The following EYA1 variants were observed in gnomAD, a reference collection of about 807,000 sequenced individuals.
EYA1 encodes the protein protein phosphatase EYA1.
In EYA1, 16 loss-of-function variants were observed where a neutral mutation model predicts 82.0. That is an observed-to-expected ratio of 0.20 (90% confidence interval 0.13 to 0.30). EYA1 has a LOEUF of 0.30. EYA1 is among the 10% of genes least tolerant of loss of function. EYA1 has a pLI of 1.00. For synonymous variants in EYA1, 261 were observed against 264.4 expected (o/e 0.99, Z 0.12); for missense variants, 633 against 730.7 (o/e 0.87, Z 1.54).
chr8:71,538,378 A>C (rs938515440), intron 1 of EYA1, among the ~76,000 whole-genome samples: 2 of 152,192 alleles, frequency 1.3e-5, no homozygotes, highest in African/African-American at 4.8e-5. Context: ...AATGAATAAA[A>C]TGAATAAATG....
intron 11 of EYA1, among the ~76,000 whole-genome samples, chr8:71,262,043 C>G (rs749591843): frequency 6.6e-6 from 1 of 152,216 alleles, no homozygotes; most frequent in African/African-American, 2.4e-5. Flanking sequence ...GCCCACAGAA[C>G]GAAATCCTGG....
chr8:71,257,803 G>A (rs113232235), intron 11 of EYA1, among the ~76,000 whole-genome samples: 166 of 152,252 alleles, frequency 1.1e-3, no homozygotes, highest in Middle Eastern at 3.4e-3. Flanking sequence ...GAGAAATCCC[G>A]GTGTAATTTA....
chr8:71,329,845 T>C (rs1321478416), intron 4 of EYA1, among the ~76,000 whole-genome samples: 1 of 152,058 alleles, frequency 6.6e-6, no homozygotes, highest in Non-Finnish European at 1.5e-5. Context: ...ATGACAGCAT[T>C]TGCAAAAGGC....
chr8:71,336,401 A>G (rs754973189), intron 3 of EYA1, among the ~76,000 whole-genome samples: 5 of 152,180 alleles, frequency 3.3e-5, no homozygotes, highest in Non-Finnish European at 7.4e-5. Context: ...TGAAGAAAAA[A>G]ATTGTTCCAC....
At chr8:71,354,570 TGAAAC>T (rs1279386895) in intron 3 of EYA1, among the ~76,000 whole-genome samples, 3 of 152,190 alleles carry the variant, frequency 2.0e-5, no homozygotes, top group Non-Finnish European at 4.4e-5. Context: ...ATGCATTTGG[TGAAAC>T]GAAACCAATC....
At chr8:71,269,874 G>T in intron 10 of EYA1, 51 bp from the exon 11 acceptor site, 2 of 1,392,678 alleles carry the variant, frequency 1.4e-6, no homozygotes, top group Non-Finnish European at 1.0e-6. Context: ...TGAGAAAGCT[G>T]TTATTCAGTT....
intron 9 of EYA1, among the ~76,000 whole-genome samples, chr8:71,276,853 T>C (rs1045871470): frequency 7.2e-5 from 11 of 152,202 alleles, no homozygotes; most frequent in African/African-American, 2.7e-4. Context: ...TTGCTCGTTA[T>C]TTAGCCTTTA....
At chr8:71,351,342 G>A (rs531146885) in intron 3 of EYA1, among the ~76,000 whole-genome samples, 1 of 152,246 alleles carries the variant, frequency 6.6e-6, no homozygotes, top group African/African-American at 2.4e-5. Flanking sequence ...AATTCATTTG[G>A]AAACATATCA....
chr8:71,258,684 T>C lies in EYA1; in HGVS notation c.1050+11056A>G, dbSNP rs1814736374. Among the ~76,000 whole-genome samples the C allele has an allele frequency of 2.0e-5, 3 of 152,224 alleles. 1 individual carries two copies. The highest frequency in any genetic ancestry group is 2.0e-4 in the Admixed American group (3 of 15,284). On this transcript the variant is annotated intron_variant, in intron 11 of 17. Coordinates refer to ENST00000340726, the MANE Select transcript of EYA1 (RefSeq NM_000503.6). Reference sequence around the variant, plus strand: ...CTAGTGACTAGGTTAAACTTTATGCTGCTCATTTTATTTTGTTGCCCATTT... The same window carrying C: ...CTAGTGACTAGGTTAAACTTTATGCCGCTCATTTTATTTTGTTGCCCATTT...
At chr8:71,392,730 C>G (rs894840450) in intron 2 of EYA1, among the ~76,000 whole-genome samples, 4 of 152,096 alleles carry the variant, frequency 2.6e-5, no homozygotes, top group Non-Finnish European at 5.9e-5. Flanking sequence ...AAAAATCATT[C>G]ATTTCTTCTA....
At chr8:71,237,860 G>C (rs1812031531) in intron 12 of EYA1, among the ~76,000 whole-genome samples, 1 of 152,060 alleles carries the variant, frequency 6.6e-6, no homozygotes, top group Non-Finnish European at 1.5e-5. Flanking sequence ...AAATATTACA[G>C]CTCAATGAAT....
intron 2 of EYA1, among the ~76,000 whole-genome samples, chr8:71,381,341 T>C (rs867934389): frequency 2.0e-5 from 3 of 152,146 alleles, no homozygotes; most frequent in South Asian, 2.1e-4. Context: ...TGGGAACAAA[T>C]GTGGAAGGAA....
chr8:71,516,103 T>C (rs538599706), intron 2 of EYA1, among the ~76,000 whole-genome samples: 2 of 152,264 alleles, frequency 1.3e-5, no homozygotes, highest in Admixed American at 1.3e-4. Flanking sequence ...TGTATACAAA[T>C]AACCTATAGT....
At position 71,234,783 on chromosome 8, in the gene EYA1, T is replaced by A. The variant is rs367779874; in HGVS notation, c.1140+9820A>T. Among the ~76,000 whole-genome samples the A allele has an allele frequency of 2.4e-3, 372 of 152,268 alleles. 1 individual carries two copies. Among genetic ancestry groups the A allele is most frequent in the African/African-American group, 8.6e-3 (359 of 41,556 alleles). On this transcript the variant is annotated intron_variant, in intron 12 of 17. Transcript: ENST00000340726. ...GGACTCCCAAAACTATACCTTCAAA[T>A]TTGCCTCTCTCTTCTGAGATCCAAA...
chr8:71,200,468 T>C (rs1427863239), intron 17 of EYA1, among the ~76,000 whole-genome samples: 1 of 152,248 alleles, frequency 6.6e-6, no homozygotes, highest in Non-Finnish European at 1.5e-5. Context: ...TTATTAACAA[T>C]GTATTTGCCT....
At chr8:71,395,194 G>A (rs1421135696) in intron 2 of EYA1, among the ~76,000 whole-genome samples, 1 of 152,244 alleles carries the variant, frequency 6.6e-6, no homozygotes, top group Admixed American at 6.5e-5. Flanking sequence ...ATTTTGGGCT[G>A]AGATGATGGG....
chr8:71,479,685 C>T (rs1259260952), intron 2 of EYA1, among the ~76,000 whole-genome samples: 1 of 132,172 alleles, frequency 7.6e-6, no homozygotes, highest in Non-Finnish European at 1.6e-5. Context: ...TTTTAGAGCA[C>T]CTGATATCAC....
chr8:71,235,699 G>C (rs532838835), intron 12 of EYA1, among the ~76,000 whole-genome samples: 1 of 152,138 alleles, frequency 6.6e-6, no homozygotes, highest in African/African-American at 2.4e-5. Context: ...CCAGTAGTTA[G>C]AACTGTGCCT....
At chr8:71,228,451 GA>G (rs911195803) in intron 12 of EYA1, among the ~76,000 whole-genome samples, 1,453 of 144,654 alleles carry the variant, frequency 0.01, 24 homozygotes, top group African/African-American at 0.035. Flanking sequence ...TGCCCGAAAG[GA>G]AAAAAAAAAG....
Sources: gnomAD v4.1 joint callset for allele counts (sites outside exome capture counted in the v4.1 genomes callset) on GRCh38, gnomAD v4.1.1 for gene constraint, MANE v1.5 for transcripts, NCBI Gene and HGNC (gene_info 2026-07-23, HGNC 2026-07-21) for gene names.